The following TRPV4 variants were observed in gnomAD, a reference collection of about 807,000 sequenced individuals.
TRPV4 encodes transient receptor potential cation channel subfamily V member 4.
In TRPV4, 58 loss-of-function variants were observed where a neutral mutation model predicts 84.1. The observed-to-expected ratio is 0.69, with a 90% CI of 0.56 to 0.86. The LOEUF is 0.86. Ranked by LOEUF, TRPV4 falls within the 40% of genes least tolerant of loss-of-function variation. The pLI is 0.00. For missense variants in TRPV4, 879 were observed against 1,181.1 expected, an observed-to-expected ratio of 0.74 and a Z score of 3.75; for synonymous variants, 489 against 500.9, an observed-to-expected ratio of 0.98 and a Z score of 0.32.
In TRPV4 at chr12:109,794,425, C is replaced by T. The variant is rs1366366633; in HGVS notation, c.1395G>A (p.Lys465=). 1 of 1,614,092 alleles carries T rather than the reference C, an allele frequency of 6.2e-7. No individual in the cohort carries two copies. The highest frequency in any genetic ancestry group is 1.1e-5 in the South Asian group (1 of 91,086). The part of the protein sequence containing the change: ...INELLRDKWR[K]FGAVSFYINV... ...TGATGTAGAAGGAGACGGCCCCGAA[C>T]TTGCGCCACTTGTCCCGCAGCAGTT... The change falls in exon 8 of 16, where the codon AAG becomes AAA. Residue 465 remains lysine (K), a synonymous_variant. Transcript: ENST00000261740.
chr12:109,813,961 A>G (rs1477430267), intron 2 of TRPV4, among the ~76,000 whole-genome samples: 1 of 151,764 alleles, frequency 6.6e-6, no homozygotes, highest in Non-Finnish European at 1.5e-5. Flanking sequence ...TGATGTATAA[A>G]TGAATAGATG....
chr12:109,811,545 C>T (rs906737181), intron 2 of TRPV4, among the ~76,000 whole-genome samples: 9 of 152,072 alleles, frequency 5.9e-5, no homozygotes, highest in African/African-American at 2.2e-4. Context: ...GTAGCTCCAG[C>T]TACCCAGGAG....
chr12:109,790,708 C>T lies in TRPV4; in HGVS notation c.1891+1655G>A, dbSNP rs117237086. Among the ~76,000 whole-genome samples the T allele has an allele frequency of 7.9e-3, 1,194 of 151,750 alleles. 3 individuals carry two copies. The highest frequency in any genetic ancestry group is 0.011 in the Admixed American group (165 of 15,234). On this transcript the variant is annotated intron_variant, in intron 12 of 15. Coordinates refer to ENST00000261740, the MANE Select transcript of TRPV4 (RefSeq NM_021625.5). ...ACCAGCCTGGGCAACATAGCAAGAC[C>T]CTGCCTCCACCAAAAAAAAAAAATG... is the stretch of plus-strand genomic sequence containing the variant.
chr12:109,803,998 G>A (rs1194957490), intron 3 of TRPV4, among the ~76,000 whole-genome samples: 2 of 152,124 alleles, frequency 1.3e-5, no homozygotes, highest in East Asian at 3.9e-4. Flanking sequence ...GAGGGGTGCA[G>A]CGTTCCCCAA....
intron 12 of TRPV4, 71 bp downstream of exon 12, chr12:109,792,292 C>G: frequency 8.1e-7 from 1 of 1,227,800 alleles, no homozygotes; most frequent in South Asian, 1.2e-5. Flanking sequence ...CTATTGTCCC[C>G]TATACATCAT....
At position 109,813,100 on chromosome 12, in the gene TRPV4, G is replaced by A. The variant is rs944487337; in HGVS notation, c.386+1311C>T. Among the ~76,000 whole-genome samples, 18 of 152,140 alleles carry A rather than the reference G, an allele frequency of 1.2e-4. No homozygotes were observed. In the South Asian group the frequency reaches 1.4e-3, roughly 12 times the overall value. On this transcript the variant is annotated intron_variant, in intron 2 of 15. Transcript: ENST00000261740. The stretch of plus-strand genomic sequence containing the variant: ...AGATTAATGGGGGACAGATGAGTAC[G>A]TGGATATGTAGGTGAATAAAAAAAG...
chr12:109,820,744 C>G (rs1892068438), intron 1 of TRPV4, among the ~76,000 whole-genome samples: 1 of 151,890 alleles, frequency 6.6e-6, no homozygotes, highest in African/African-American at 2.4e-5. Context: ...AGGATGGTCT[C>G]GATCTCCTGA....
At position 109,793,494 on chromosome 12, in the gene TRPV4, C is replaced by G. The variant is rs990362875; in HGVS notation, c.1658+33G>C. 3 of 1,597,048 alleles carry G rather than the reference C, an allele frequency of 1.9e-6. No homozygotes were observed. In the African/African-American group the frequency reaches 4.0e-5, roughly 21 times the overall value. On this transcript the variant is annotated intron_variant, in intron 10 of 15. Coordinates refer to ENST00000261740, the MANE Select transcript of TRPV4 (RefSeq NM_021625.5). The surrounding 1 kb of genome is among the most constrained non-coding windows in gnomAD (Gnocchi z 4.0). ...AGCAGCCCAAACCCACCTTCCTCACCCAGAAGCTGCCGGCCCAGGGACCTC... is the reference window on the plus strand; with the variant it reads ...AGCAGCCCAAACCCACCTTCCTCACGCAGAAGCTGCCGGCCCAGGGACCTC...
In TRPV4 at chr12:109,793,577, T is replaced by C. The variant is rs1438689509; in HGVS notation, c.1608A>G (p.Lys536=). The C allele has an allele frequency of 1.9e-6, 3 of 1,613,876 alleles. No homozygotes were observed. Among genetic ancestry groups the C allele is most frequent in the African/African-American group, 2.7e-5 (2 of 74,880 alleles). Residue 536 remains lysine, a synonymous_variant, in exon 10 of 16, where the codon AAA becomes AAG. Coordinates refer to ENST00000261740, the MANE Select transcript of TRPV4 (RefSeq NM_021625.5). This position sits in a 1 kb window ranked among gnomAD's most constrained non-coding sequence, Gnocchi z 4.0. ...FTNIKDLFMK[K]CPGVNSLFID... The stretch of plus-strand genomic sequence containing the variant: ...TGAAGAGAGAATTCACTCCAGGGCA[T>C]TTCTTCATGAACAAGTCTTTGATCT...
Position 109,783,689 on chromosome 12 carries a change from T to G in TRPV4, c.2548A>C (p.Asn850His). The G allele has an allele frequency of 6.2e-7, 1 of 1,613,588 alleles. No individual in the cohort carries two copies. The highest frequency in any genetic ancestry group is 8.5e-7 in the Non-Finnish European group (1 of 1,179,954). ...EVVVPLDSMG[N>H]PRCDGHQQGY... ...TGCTGGTGGCCATCGCAGCGGGGGT[T>G]CCCCATGCTGTCCAGAGGCACCACC... Residue 850 changes from asparagine (N) to histidine (H), a missense_variant, in exon 16 of 16, where the codon AAC (asparagine) becomes CAC (histidine). This residue lies in a region of TRPV4 where 242 missense variants were observed against 355.3 expected (regional missense o/e 0.68). Transcript: ENST00000261740. The surrounding 1 kb of genome is among the most constrained non-coding windows in gnomAD (Gnocchi z 4.6).
chr12:109,789,898 G>A (rs1889925299), intron 12 of TRPV4, among the ~76,000 whole-genome samples: 1 of 152,224 alleles, frequency 6.6e-6, no homozygotes, highest in Non-Finnish European at 1.5e-5. Flanking sequence ...AAGCATGTGT[G>A]TCCTGTTTAT....
rs140304475 is a variant in TRPV4 at position 109,783,815 on chromosome 12, TG to T, written c.2459-38del. 1.3e-3 allele frequency: 2,097 copies of T among 1,605,668 alleles called. 32 individuals carry two copies. The African/African-American group carries it at 0.026, about 20-fold the overall frequency. ...GCACATCAGAGGGAGGGGTGGGGGT[TG>T]GTGGAGAGAGAGCGTGCGTATATTG... On this transcript the variant is annotated intron_variant, in intron 15 of 15. Coordinates refer to ENST00000261740, the MANE Select transcript of TRPV4 (RefSeq NM_021625.5). The surrounding 1 kb of genome is among the most constrained non-coding windows in gnomAD (Gnocchi z 4.6).
intron 5 of TRPV4, among the ~76,000 whole-genome samples, chr12:109,799,911 C>A (rs1890664345): frequency 6.7e-6 from 1 of 148,320 alleles, no homozygotes. Flanking sequence ...CAAGCACATG[C>A]CACCATGCCA....
chr12:109,784,530 G>A (rs1028956257), intron 14 of TRPV4, 93 bp from the exon 15 acceptor site: 2 of 1,591,078 alleles, frequency 1.3e-6, no homozygotes, highest in Non-Finnish European at 1.7e-6. Flanking sequence ...TTTTATTATG[G>A]TAACATATAC....
At chr12:109,784,287 C>A (rs773692606) in intron 15 of TRPV4, 29 bp downstream of exon 15, 3 of 1,613,968 alleles carry the variant, frequency 1.9e-6, no homozygotes, top group East Asian at 2.2e-5. Flanking sequence ...TGGACTGGGG[C>A]TCCCCTCCGC....
intron 1 of TRPV4, among the ~76,000 whole-genome samples, chr12:109,830,848 T>C (rs79744339): frequency 1.3e-3 from 192 of 152,268 alleles, no homozygotes; most frequent in Non-Finnish European, 2.3e-3. Flanking sequence ...AACCATGCCA[T>C]AGATACTGAC....
chr12:109,793,712 A>T lies in TRPV4; in HGVS notation c.1585-112T>A, dbSNP rs957642420. 3 of 986,970 alleles carry T rather than the reference A, an allele frequency of 3.0e-6. No homozygotes were observed. The highest frequency in any genetic ancestry group is 3.2e-5 in the African/African-American group (2 of 62,232). The allele number at this position is 986,970 out of a possible 1,614,324, so 61.1% of individuals were successfully genotyped here. A position where few individuals can be genotyped will look rare whatever the true frequency, so the allele number is the denominator to read the frequency against. ...GAGGGAGGCAGAGGCTGGTACAGAG[A>T]AAAGACAAAGGACTCTTTCCTGTTA... is the stretch of plus-strand genomic sequence containing the variant. On this transcript the variant is annotated intron_variant, in intron 9 of 15. Transcript: ENST00000261740. This position sits in a 1 kb window ranked among gnomAD's most constrained non-coding sequence, Gnocchi z 4.0.
At chr12:109,809,023 T>TACCCATCC (rs1159138865) in intron 2 of TRPV4, among the ~76,000 whole-genome samples, 80 of 95,896 alleles carry the variant, frequency 8.3e-4, no homozygotes, top group Admixed American at 2.8e-3. Context: ...TCCATCCATC[T>TACCCATCC]ACCCATCCAC....
intron 1 of TRPV4, among the ~76,000 whole-genome samples, chr12:109,827,451 C>T (rs908836356): frequency 6.6e-6 from 1 of 152,052 alleles, no homozygotes; most frequent in Non-Finnish European, 1.5e-5. Context: ...CAAGCAGGGA[C>T]AGGAGTGAGC....
Sources: gnomAD v4.1 joint callset for allele counts (sites outside exome capture counted in the v4.1 genomes callset) on GRCh38, gnomAD v4.1.1 for gene constraint, gnomAD v4.1.1 regional missense constraint, Gnocchi (gnomAD v3.1) non-coding constraint, MANE v1.5 for transcripts, NCBI Gene and HGNC (gene_info 2026-07-23, HGNC 2026-07-21) for gene names.